The following GRM1 variants were observed in gnomAD, a reference collection of about 807,000 sequenced individuals.
GRM1 encodes glutamate metabotropic receptor 1.
GRM1 carries 33 observed loss-of-function variants against 90.9 expected under a neutral mutation model. That is an observed-to-expected ratio of 0.36 (90% confidence interval 0.28 to 0.49). The LOEUF (loss-of-function observed/expected upper bound fraction) is 0.49. Among genes scored for constraint, GRM1 ranks in the 20% least tolerant of loss-of-function variants. GRM1 has a pLI of 0.99. For synonymous variants in GRM1, 700 were observed against 613.2 expected, an observed-to-expected ratio of 1.14 and a Z score of -2.09; for missense variants, 1,190 against 1,534.3, an observed-to-expected ratio of 0.78 and a Z score of 3.75.
chr6:146,106,068 T>G (rs747919613), intron 1 of GRM1, among the ~76,000 whole-genome samples: 9 of 152,218 alleles, frequency 5.9e-5, no homozygotes, highest in Non-Finnish European at 1.0e-4. Context: ...GTTCTGTATT[T>G]GGAAATTGTT....
At chr6:146,344,101 C>T (rs552745779) in intron 3 of GRM1, among the ~76,000 whole-genome samples, 41 of 152,280 alleles carry the variant, frequency 2.7e-4, no homozygotes, top group Non-Finnish European at 5.1e-4. Flanking sequence ...TCCAACAACC[C>T]TTTCCCTGTA....
At chr6:146,276,024 T>C (rs565783537) in intron 2 of GRM1, among the ~76,000 whole-genome samples, 1 of 151,866 alleles carries the variant, frequency 6.6e-6, no homozygotes, top group South Asian at 2.1e-4. Context: ...GCACAAAGGG[T>C]AAAATCATTA....
chr6:146,116,653 T>C (rs1423323441), intron 1 of GRM1, among the ~76,000 whole-genome samples: 1 of 152,184 alleles, frequency 6.6e-6, no homozygotes, highest in Non-Finnish European at 1.5e-5. Context: ...GTATTAACTT[T>C]CATTTCTTAT....
At chr6:146,073,350 T>C (rs1422943647) in intron 1 of GRM1, among the ~76,000 whole-genome samples, 1 of 152,138 alleles carries the variant, frequency 6.6e-6, no homozygotes, top group Non-Finnish European at 1.5e-5. Context: ...GCATACTTTC[T>C]TGTAAAAGGA....
intron 3 of GRM1, among the ~76,000 whole-genome samples, chr6:146,329,974 T>G (rs1367277715): frequency 6.6e-6 from 1 of 152,222 alleles, no homozygotes; most frequent in African/African-American, 2.4e-5. Context: ...CCTGTATTTC[T>G]TAAACTTCCC....
intron 2 of GRM1, among the ~76,000 whole-genome samples, chr6:146,201,677 C>T (rs935007944): frequency 9.9e-5 from 15 of 152,196 alleles, no homozygotes; most frequent in South Asian, 4.1e-4. Flanking sequence ...TTTGGAGAGA[C>T]GCAAACATTC....
intron 7 of GRM1, among the ~76,000 whole-genome samples, chr6:146,424,940 A>G (rs1778142829): frequency 6.6e-6 from 1 of 152,174 alleles, no homozygotes; most frequent in African/African-American, 2.4e-5. Flanking sequence ...TGTTTTAATG[A>G]TCTTTTGATT....
intron 2 of GRM1, among the ~76,000 whole-genome samples, chr6:146,172,944 G>A (rs960338919): frequency 6.6e-6 from 1 of 152,122 alleles, no homozygotes; most frequent in Non-Finnish European, 1.5e-5. Context: ...AAATAAATAC[G>A]TAAGGCTGGA....
chr6:146,343,147 G>A (rs997227917), intron 3 of GRM1, among the ~76,000 whole-genome samples: 6 of 152,014 alleles, frequency 3.9e-5, no homozygotes, highest in Admixed American at 3.9e-4. Context: ...CCCTAAGTTT[G>A]ACTTTGGCTA....
intron 3 of GRM1, among the ~76,000 whole-genome samples, chr6:146,337,393 C>T (rs1784813823): frequency 6.6e-6 from 1 of 152,218 alleles, no homozygotes; most frequent in South Asian, 2.1e-4. Flanking sequence ...AATGCTTTTA[C>T]ATATTTGGCC....
intron 2 of GRM1, among the ~76,000 whole-genome samples, chr6:146,203,362 A>T (rs1779386966): frequency 6.6e-6 from 1 of 151,920 alleles, no homozygotes; most frequent in African/African-American, 2.4e-5. Flanking sequence ...ATCTTCTTTC[A>T]TGTTGTTGCT....
At chr6:146,413,966 T>C (rs1164530677) in intron 7 of GRM1, among the ~76,000 whole-genome samples, 3 of 152,212 alleles carry the variant, frequency 2.0e-5, no homozygotes, top group East Asian at 3.8e-4. Context: ...GATGAACATA[T>C]GGGTTGTTTC....
At chr6:146,190,519 C>T (rs900138216) in intron 2 of GRM1, among the ~76,000 whole-genome samples, 1 of 152,040 alleles carries the variant, frequency 6.6e-6, no homozygotes, top group African/African-American at 2.4e-5. Flanking sequence ...AGTTGGCCAA[C>T]ACGAATTCAG....
intron 2 of GRM1, among the ~76,000 whole-genome samples, chr6:146,291,733 A>G (rs1464460600): frequency 6.6e-6 from 1 of 152,020 alleles, no homozygotes; most frequent in Non-Finnish European, 1.5e-5. Flanking sequence ...AATATGATAA[A>G]ACTATCTAAA....
intron 1 of GRM1, among the ~76,000 whole-genome samples, chr6:146,034,990 A>G (rs970157374): frequency 1.3e-5 from 2 of 152,028 alleles, no homozygotes; most frequent in African/African-American, 4.8e-5. Context: ...ATAGACATTT[A>G]TAAACATGAG....
Position 146,399,948 on chromosome 6 carries a change from A to G in GRM1, c.2660+249A>G, listed in dbSNP as rs1777098393. 6.6e-6 allele frequency among the ~76,000 whole-genome samples: 1 copy of G among 152,234 alleles called. No individual in the cohort carries two copies. Among genetic ancestry groups the G allele is most frequent in the Non-Finnish European group, 1.5e-5 (1 of 68,040 alleles). ...TTCATTTCTTTGAAAGAAAAGGAGC[A>G]GGAAACAATCTTTATTCTTGCCTAG... On this transcript the variant is annotated intron_variant, in intron 7 of 7. Transcript: ENST00000282753. This position sits in a 1 kb window ranked among gnomAD's most constrained non-coding sequence, Gnocchi z 5.4.
In GRM1 at chr6:146,073,915, G is replaced by GA. The variant is rs200671221; in HGVS notation, c.700+43704dup. 4.0e-3 allele frequency among the ~76,000 whole-genome samples: 612 copies of GA among 152,096 alleles called. 18 individuals carry two copies. In the East Asian group the frequency reaches 0.071, roughly 18 times the overall value. On this transcript the variant is annotated intron_variant, in intron 1 of 7. Transcript: ENST00000282753. ...AAACGTAGAGATGTCCATATGTGGA[G>GA]AAAAAAGAGATATTGACACTATTTA...
At chr6:146,185,904 C>T (rs1033717085) in intron 2 of GRM1, among the ~76,000 whole-genome samples, 1 of 151,812 alleles carries the variant, frequency 6.6e-6, no homozygotes, top group African/African-American at 2.4e-5. Context: ...TTAGATCTCA[C>T]GATGAGATAC....
At chr6:146,297,944 G>A (rs1783239804) in intron 2 of GRM1, among the ~76,000 whole-genome samples, 1 of 151,934 alleles carries the variant, frequency 6.6e-6, no homozygotes, top group Admixed American at 6.6e-5. Context: ...GCAAATTACT[G>A]AAAACATACA....
Sources: allele counts gnomAD v4.1 joint callset (sites outside exome capture counted in the v4.1 genomes callset), GRCh38; gene constraint gnomAD v4.1.1; non-coding constraint Gnocchi (gnomAD v3.1); transcripts MANE v1.5; gene names NCBI Gene and HGNC (gene_info 2026-07-23, HGNC 2026-07-21).